Variants in PTPRK observed in about 807,000 individuals in gnomAD.
PTPRK encodes the protein receptor-type tyrosine-protein phosphatase kappa.
A neutral mutation model predicts 178.0 loss-of-function variants in PTPRK; 75 were observed. The observed-to-expected ratio is 0.42, with a 90% CI of 0.35 to 0.51. PTPRK has a LOEUF of 0.51. Among genes scored for constraint, PTPRK ranks in the 20% least tolerant of loss-of-function variants. PTPRK has a pLI of 0.02. For missense variants in PTPRK, 1,441 were observed against 1,797.8 expected, an observed-to-expected ratio of 0.80 and a Z score of 3.59; for synonymous variants, 637 against 620.6, an observed-to-expected ratio of 1.03 and a Z score of -0.39.
In PTPRK at chr6:128,112,088, T is replaced by A. The variant is rs564605594; in HGVS notation, c.1163-22096A>T. Among the ~76,000 whole-genome samples the A allele has an allele frequency of 5.6e-4, 85 of 152,224 alleles. 1 individual carries two copies. Among genetic ancestry groups the A allele is most frequent in the Non-Finnish European group, 1.0e-3 (68 of 67,968 alleles). On this transcript the variant is annotated intron_variant, in intron 7 of 29. Transcript: ENST00000368226. ...CTGAGCATGAATAGCAAACTAAATC[T>A]TGATAAGACAGAGAGCTGGTTGTGA... is the stretch of plus-strand genomic sequence containing the variant.
chr6:128,469,254 T>A (rs9491959), intron 1 of PTPRK, among the ~76,000 whole-genome samples: 22,280 of 152,160 alleles, frequency 0.15, 1,848 homozygotes, highest in Non-Finnish European at 0.2. Context: ...TACTTAGCTG[T>A]AGATGTATGC....
At chr6:128,331,003 T>C (rs1830204690) in intron 2 of PTPRK, among the ~76,000 whole-genome samples, 1 of 152,216 alleles carries the variant, frequency 6.6e-6, no homozygotes, top group Admixed American at 6.5e-5. Context: ...CATTCATCTA[T>C]TGGTGCAGCA....
chr6:128,389,954 C>T (rs1839323662), intron 2 of PTPRK, among the ~76,000 whole-genome samples: 1 of 152,086 alleles, frequency 6.6e-6, no homozygotes, highest in East Asian at 1.9e-4. Flanking sequence ...GTGGCTTACC[C>T]TTCAAGTAGT....
intron 7 of PTPRK, among the ~76,000 whole-genome samples, chr6:128,123,460 A>G (rs1443002282): frequency 6.6e-6 from 1 of 152,202 alleles, no homozygotes; most frequent in East Asian, 1.9e-4. Flanking sequence ...GCTCTTGTAA[A>G]AATAAATTTT....
intron 2 of PTPRK, among the ~76,000 whole-genome samples, chr6:128,338,661 TC>T (rs1831262275): frequency 3.8e-5 from 1 of 26,380 alleles, no homozygotes; most frequent in Non-Finnish European, 9.4e-5. Context: ...CCCCTGGAAG[TC>T]TATGCTTCCC....
At chr6:128,232,782 T>C (rs141025239) in intron 5 of PTPRK, among the ~76,000 whole-genome samples, 3 of 152,374 alleles carry the variant, frequency 2.0e-5, no homozygotes, top group East Asian at 3.9e-4. Context: ...TGCTACTGTT[T>C]GTTATTTTAA....
At position 128,081,376 on chromosome 6, in the gene PTPRK, T is replaced by A. The variant is rs182821342; in HGVS notation, c.1777+1061A>T. 1.9e-4 allele frequency among the ~76,000 whole-genome samples: 29 copies of A among 152,154 alleles called. No homozygotes were observed. In the East Asian group the frequency reaches 5.4e-3, roughly 28 times the overall value. Reference sequence around the variant, plus strand: ...TCTTCCAAGGAATTATAGCTCATAATGGAATAGCTAATTTTATTCATGATA... The same window carrying A: ...TCTTCCAAGGAATTATAGCTCATAAAGGAATAGCTAATTTTATTCATGATA... On this transcript the variant is annotated intron_variant, in intron 10 of 29. Coordinates refer to ENST00000368226, the MANE Select transcript of PTPRK (RefSeq NM_002844.4).
chr6:128,423,492 AT>A (rs1843732308), intron 1 of PTPRK, among the ~76,000 whole-genome samples: 1 of 150,042 alleles, frequency 6.7e-6, no homozygotes, highest in Non-Finnish European at 1.5e-5. Context: ...AACATAATGT[AT>A]AATAGTAAAG....
intron 15 of PTPRK, chr6:127,999,970 A>G (rs1777611311): frequency 1.1e-6 from 1 of 922,020 alleles, no homozygotes; most frequent in Non-Finnish European, 1.3e-6. Flanking sequence ...AAGGAAGAAA[A>G]GAACAAGAAC....
intron 7 of PTPRK, among the ~76,000 whole-genome samples, chr6:128,110,906 G>A (rs1450487836): frequency 6.6e-6 from 1 of 152,116 alleles, no homozygotes; most frequent in Admixed American, 6.6e-5. Context: ...AAGACCATTT[G>A]AATTATTTCA....
chr6:128,359,667 G>A (rs1054592785), intron 2 of PTPRK, among the ~76,000 whole-genome samples: 16 of 151,996 alleles, frequency 1.1e-4, no homozygotes, highest in East Asian at 3.9e-4. Flanking sequence ...CAGAAGAATC[G>A]CTTGAACCTA....
At chr6:128,021,261 A>G (rs1266166438) in intron 13 of PTPRK, among the ~76,000 whole-genome samples, 1 of 152,198 alleles carries the variant, frequency 6.6e-6, no homozygotes, top group Non-Finnish European at 1.5e-5. Context: ...TCAGTGGGCT[A>G]TAGATTGTCC....
chr6:128,005,074 A>G lies in PTPRK; in HGVS notation c.2494+10T>C. On this transcript the variant is annotated intron_variant, in intron 15 of 29. Coordinates refer to ENST00000368226, the MANE Select transcript of PTPRK (RefSeq NM_002844.4). Reference sequence around the variant, plus strand: ...AACATCATTTATTAAAATTTTAATGAAAAACTTACATCTTGGACTAAAGTT... The same window carrying G: ...AACATCATTTATTAAAATTTTAATGGAAAACTTACATCTTGGACTAAAGTT... The G allele has an allele frequency of 6.2e-7, 1 of 1,600,396 alleles. No homozygotes were observed. Among genetic ancestry groups the G allele is most frequent in the Non-Finnish European group, 8.5e-7 (1 of 1,171,290 alleles).
chr6:128,404,614 G>T, intron 1 of PTPRK, among the ~76,000 whole-genome samples: 1 of 152,114 alleles, frequency 6.6e-6, no homozygotes, highest in East Asian at 1.9e-4. Flanking sequence ...GGTACAAGTT[G>T]GAATTCAAAA....
At chr6:128,397,898 G>T (rs1221440327) in intron 1 of PTPRK, among the ~76,000 whole-genome samples, 1 of 152,086 alleles carries the variant, frequency 6.6e-6, no homozygotes, top group Non-Finnish European at 1.5e-5. Flanking sequence ...GCCCATTTGA[G>T]ACCCAGAAGG....
chr6:128,148,807 G>T (rs914812943), intron 7 of PTPRK, among the ~76,000 whole-genome samples: 5 of 152,038 alleles, frequency 3.3e-5, no homozygotes, highest in African/African-American at 1.2e-4. Context: ...GCTTAAAAAT[G>T]ATATGTCCAG....
intron 7 of PTPRK, among the ~76,000 whole-genome samples, chr6:128,148,047 C>T (rs909555185): frequency 1.3e-5 from 2 of 151,962 alleles, no homozygotes; most frequent in Non-Finnish European, 2.9e-5. Flanking sequence ...ATAAGGCTGC[C>T]AAGAATATAA....
At chr6:128,349,881 A>G (rs760439671) in intron 2 of PTPRK, among the ~76,000 whole-genome samples, 2 of 152,154 alleles carry the variant, frequency 1.3e-5, no homozygotes, top group African/African-American at 4.8e-5. Flanking sequence ...AGGTGACCAC[A>G]TAAGTCTTCC....
Position 128,235,054 on chromosome 6 carries a change from C to A in PTPRK, c.693+4981G>T, listed in dbSNP as rs186827671. On this transcript the variant is annotated intron_variant, in intron 5 of 29. Coordinates refer to ENST00000368226, the MANE Select transcript of PTPRK (RefSeq NM_002844.4). ...AAGAAATAATAAATACTCAAGGTTACGGATACATCAATTACCCTAATTGGA... is the reference window on the plus strand; with the variant it reads ...AAGAAATAATAAATACTCAAGGTTAAGGATACATCAATTACCCTAATTGGA... 1.8e-4 allele frequency among the ~76,000 whole-genome samples: 28 copies of A among 152,126 alleles called. No homozygotes were observed. In the South Asian group the frequency reaches 3.5e-3, roughly 19 times the overall value.
Sources: gnomAD v4.1 joint callset for allele counts (sites outside exome capture counted in the v4.1 genomes callset) on GRCh38, gnomAD v4.1.1 for gene constraint, MANE v1.5 for transcripts, NCBI Gene and HGNC (gene_info 2026-07-23, HGNC 2026-07-21) for gene names.